Variants in RBFOX1 observed in about 807,000 individuals in gnomAD.
RBFOX1 encodes RNA binding fox-1 homolog 1.
In RBFOX1, 8 loss-of-function variants were observed where a neutral mutation model predicts 57.7. The ratio of observed to expected loss-of-function variants is 0.14; its 90% CI spans 0.08 to 0.25. The LOEUF (loss-of-function observed/expected upper bound fraction) is 0.25, where lower values mean the gene tolerates loss of function less well. RBFOX1 is among the 10% of genes least tolerant of loss of function. The pLI, the probability that RBFOX1 is intolerant of heterozygous loss-of-function variation, is 1.00. For synonymous variants in RBFOX1, 326 were observed against 222.4 expected, an observed-to-expected ratio of 1.47 and a Z score of -4.15; for missense variants, 611 against 548.5, an observed-to-expected ratio of 1.11 and a Z score of -1.14.
At chr16:7,502,929 A>C (rs973016878) in intron 4 of RBFOX1, among the ~76,000 whole-genome samples, 1 of 152,178 alleles carries the variant, frequency 6.6e-6, no homozygotes, top group African/African-American at 2.4e-5. Context: ...AGCCTGAGGC[A>C]GGAGAGTCGC....
intron 4 of RBFOX1, among the ~76,000 whole-genome samples, chr16:7,074,186 A>G (rs1048522175): frequency 6.6e-6 from 1 of 152,156 alleles, no homozygotes; most frequent in Non-Finnish European, 1.5e-5. Context: ...AGATGACCCA[A>G]ATGTTAGGAT....
chr16:6,258,176 G>A (rs765955384), intron 1 of RBFOX1, among the ~76,000 whole-genome samples: 1 of 152,018 alleles, frequency 6.6e-6, no homozygotes, highest in Admixed American at 6.6e-5. Context: ...TTTGTCTAGG[G>A]TTTACTCAGT....
At chr16:5,387,225 T>C (rs1302077962) in intron 1 of RBFOX1, among the ~76,000 whole-genome samples, 3 of 152,160 alleles carry the variant, frequency 2.0e-5, no homozygotes, top group African/African-American at 7.2e-5. Context: ...ATACGCATGT[T>C]GAGGGATGAA....
intron 4 of RBFOX1, among the ~76,000 whole-genome samples, chr16:5,977,291 T>C (rs752312595): frequency 6.6e-6 from 1 of 152,024 alleles, no homozygotes; most frequent in African/African-American, 2.4e-5. Flanking sequence ...GAGGTGTGTA[T>C]CTTGGGAGAA....
intron 2 of RBFOX1, among the ~76,000 whole-genome samples, chr16:5,534,376 A>C (rs891764928): frequency 7.2e-5 from 11 of 152,200 alleles, no homozygotes; most frequent in Non-Finnish European, 1.3e-4. Flanking sequence ...CAAGCTGTGG[A>C]AGAAGGAAGC....
chr16:6,687,463 T>C (rs2059603780), intron 3 of RBFOX1, among the ~76,000 whole-genome samples: 1 of 152,200 alleles, frequency 6.6e-6, no homozygotes. Context: ...TAAAGTTAAG[T>C]TAAATAATTA....
At chr16:5,902,962 T>A (rs1264229716) in intron 4 of RBFOX1, among the ~76,000 whole-genome samples, 1 of 152,234 alleles carries the variant, frequency 6.6e-6, no homozygotes, top group East Asian at 1.9e-4. Context: ...ACAGTTCTTA[T>A]CTCAGGTAAG....
At chr16:6,661,021 G>A (rs566497097) in intron 3 of RBFOX1, among the ~76,000 whole-genome samples, 12 of 152,266 alleles carry the variant, frequency 7.9e-5, no homozygotes, top group Admixed American at 2.0e-4. Context: ...TGTCTTTAAC[G>A]TGAAGTCCTA....
chr16:6,249,786 TTA>T (rs2097593234), intron 1 of RBFOX1, among the ~76,000 whole-genome samples: 1 of 151,354 alleles, frequency 6.6e-6, no homozygotes, highest in Non-Finnish European at 1.5e-5. Flanking sequence ...TTTTTTTTTT[TTA>T]TTATACTTTA....
intron 4 of RBFOX1, among the ~76,000 whole-genome samples, chr16:7,461,179 T>G (rs1860649991): frequency 6.6e-6 from 1 of 152,094 alleles, no homozygotes; most frequent in African/African-American, 2.4e-5. Context: ...AAAACAATTT[T>G]TTTTTTTTTG....
At chr16:7,014,420 T>A (rs114041847) in intron 3 of RBFOX1, among the ~76,000 whole-genome samples, 3,680 of 151,932 alleles carry the variant, frequency 0.024, 157 homozygotes, top group African/African-American at 0.083. Flanking sequence ...ATTTTATTTT[T>A]TTTTAAAGTA....
At chr16:5,538,189 A>C (rs541338879) in intron 2 of RBFOX1, among the ~76,000 whole-genome samples, 1 of 152,218 alleles carries the variant, frequency 6.6e-6, no homozygotes, top group African/African-American at 2.4e-5. Context: ...TAGAGCCAAG[A>C]GGCCAAGACC....
At chr16:6,913,616 C>G (rs779988382) in intron 3 of RBFOX1, among the ~76,000 whole-genome samples, 3 of 152,166 alleles carry the variant, frequency 2.0e-5, no homozygotes, top group South Asian at 2.1e-4. Flanking sequence ...CAGAGCAACT[C>G]AAGCCCTGAG....
chr16:6,840,559 G>C (rs1603630987), intron 3 of RBFOX1, among the ~76,000 whole-genome samples: 1 of 152,092 alleles, frequency 6.6e-6, no homozygotes, highest in Non-Finnish European at 1.5e-5. Context: ...TGGGGCCATA[G>C]AGCATAGCCC....
chr16:5,950,307 C>A (rs2059493736), intron 4 of RBFOX1, among the ~76,000 whole-genome samples: 1 of 152,200 alleles, frequency 6.6e-6, no homozygotes, highest in Non-Finnish European at 1.5e-5. Context: ...GAAGCCAGCC[C>A]TGCCATGGGC....
chr16:6,964,917 C>T (rs1462396162), intron 3 of RBFOX1, among the ~76,000 whole-genome samples: 1 of 152,182 alleles, frequency 6.6e-6, no homozygotes, highest in East Asian at 1.9e-4. Flanking sequence ...CCAGGCTAAT[C>T]CCCATCTCTG....
At chr16:6,455,506 A>C (rs956124334) in intron 2 of RBFOX1, among the ~76,000 whole-genome samples, 3 of 152,206 alleles carry the variant, frequency 2.0e-5, no homozygotes, top group African/African-American at 7.2e-5. Context: ...CTTAGAGGGC[A>C]GGAGTTCTAT....
At chr16:7,448,311 A>C (rs1156398161) in intron 4 of RBFOX1, among the ~76,000 whole-genome samples, 1 of 152,200 alleles carries the variant, frequency 6.6e-6, no homozygotes, top group Admixed American at 6.5e-5. Flanking sequence ...TGATGCTGCT[A>C]ATAAAGACAT....
chr16:6,747,373 C>A (rs73543702), intron 3 of RBFOX1, among the ~76,000 whole-genome samples: 1 of 151,706 alleles, frequency 6.6e-6, no homozygotes, highest in Non-Finnish European at 1.5e-5. Context: ...CCCCATTGCC[C>A]TCCAGACTGG....
Sources: gnomAD v4.1 joint callset for allele counts (sites outside exome capture counted in the v4.1 genomes callset) on GRCh38, gnomAD v4.1.1 for gene constraint, MANE v1.5 for transcripts, NCBI Gene and HGNC (gene_info 2026-07-23, HGNC 2026-07-21) for gene names.